Variants in SPAG9 observed in about 807,000 individuals in gnomAD.
The protein encoded by SPAG9 is sperm associated antigen 9.
Under a neutral mutation model 166.5 loss-of-function variants are expected in SPAG9, and 35 were observed. That is an observed-to-expected ratio of 0.21 (90% confidence interval 0.16 to 0.28). SPAG9 has a LOEUF of 0.28. SPAG9 is among the 10% of genes least tolerant of loss of function. SPAG9 has a pLI of 1.00. For synonymous variants in SPAG9, 534 were observed against 565.5 expected (o/e 0.94, Z 0.79); for missense variants, 1,235 against 1,603.3 (o/e 0.77, Z 3.92).
At chr17:51,025,568 T>C (rs774679980) in intron 6 of SPAG9, among the ~76,000 whole-genome samples, 1 of 151,984 alleles carries the variant, frequency 6.6e-6, no homozygotes, top group Non-Finnish European at 1.5e-5. Context: ...TGCATTGTCT[T>C]TGCTTTGATG....
intron 8 of SPAG9, among the ~76,000 whole-genome samples, chr17:51,014,876 CA>C (rs1323429451): frequency 6.6e-6 from 1 of 150,894 alleles, no homozygotes; most frequent in East Asian, 1.9e-4. Context: ...AATCAAGTTG[CA>C]AAACAGTGTA....
rs536947648 is a variant in SPAG9 at position 50,963,313 on chromosome 17, G to A, written c.*2959C>T. ...TACATTCCTTTGCTGCTTGTGAGAA[G>A]CTTACATTTTGGCATTTTCTTCCAA... On this transcript the variant is annotated 3_prime_UTR_variant, in exon 30 of 30. Transcript: ENST00000262013. 9.2e-5 allele frequency: 14 copies of A among 152,270 alleles called. No individual in the cohort carries two copies. The highest frequency in any genetic ancestry group is 3.4e-4 in the African/African-American group (14 of 41,562). 9.4% of individuals were successfully genotyped at this position (152,270 alleles called of 1,614,324 possible). A position where few individuals can be genotyped will look rare whatever the true frequency, so the allele number is the denominator to read the frequency against.
chr17:51,116,526 G>T (rs1015569142), intron 1 of SPAG9, among the ~76,000 whole-genome samples: 3 of 152,144 alleles, frequency 2.0e-5, no homozygotes, highest in Non-Finnish European at 1.5e-5. Flanking sequence ...ACTTTGGCAG[G>T]ATCCACAAGG....
At chr17:51,096,084 A>C (rs2048640526) in intron 1 of SPAG9, among the ~76,000 whole-genome samples, 1 of 130,156 alleles carries the variant, frequency 7.7e-6, no homozygotes, top group African/African-American at 3.1e-5. Flanking sequence ...GTGGTTTCAC[A>C]CCTGTAATCC....
intron 2 of SPAG9, among the ~76,000 whole-genome samples, chr17:51,063,044 C>A (rs1343401536): frequency 1.3e-5 from 2 of 152,160 alleles, no homozygotes; most frequent in African/African-American, 2.4e-5. Flanking sequence ...CTTTCACACA[C>A]AAAATTTCAT....
chr17:50,999,742 A>G (rs1160537888), intron 13 of SPAG9, 25 bp from the exon 14 acceptor site: 2 of 1,603,992 alleles, frequency 1.2e-6, no homozygotes, highest in Non-Finnish European at 1.7e-6. Flanking sequence ...AAAAGAAAAG[A>G]AACATTTATC....
At chr17:51,019,919 A>G (rs1487606939) in intron 8 of SPAG9, among the ~76,000 whole-genome samples, 1 of 152,242 alleles carries the variant, frequency 6.6e-6, no homozygotes, top group Non-Finnish European at 1.5e-5. Flanking sequence ...GCAGTACAAA[A>G]TAGACTAAGA....
chr17:51,075,261 A>ATTTATT (rs1278796935), intron 2 of SPAG9, among the ~76,000 whole-genome samples: 1 of 151,254 alleles, frequency 6.6e-6, no homozygotes, highest in Non-Finnish European at 1.5e-5. Flanking sequence ...TTTTGTTTAC[A>ATTTATT]TTTATTAGAA....
At chr17:50,985,113 T>C in intron 23 of SPAG9, 123 bp from the exon 24 acceptor site, 1 of 718,534 alleles carries the variant, frequency 1.4e-6, no homozygotes, top group Non-Finnish European at 2.4e-6. Flanking sequence ...AGCTGACACC[T>C]GAATATAAAT....
intron 9 of SPAG9, among the ~76,000 whole-genome samples, chr17:51,011,032 T>A (rs1178867356): frequency 1.3e-5 from 2 of 150,954 alleles, no homozygotes; most frequent in African/African-American, 4.9e-5. Context: ...AAGGTAAGAG[T>A]CGAGACAGGA....
intron 3 of SPAG9, 81 bp downstream of exon 3, chr17:51,056,331 A>C (rs2047362663): frequency 2.4e-6 from 2 of 824,352 alleles, no homozygotes; most frequent in Admixed American, 4.8e-5. Flanking sequence ...TCTGATTTTC[A>C]AAGAAAAATT....
chr17:51,116,632 C>T (rs754132282), intron 1 of SPAG9, among the ~76,000 whole-genome samples: 2 of 152,038 alleles, frequency 1.3e-5, no homozygotes, highest in Admixed American at 6.6e-5. Context: ...AGTGTGGTAA[C>T]GCATGTCTGT....
intron 9 of SPAG9, chr17:51,007,702 T>G: frequency 2.9e-6 from 1 of 349,426 alleles, no homozygotes; most frequent in South Asian, 2.4e-5. Flanking sequence ...AAGAACAGCT[T>G]TAATATGGAT....
At chr17:51,076,764 T>C (rs1426779636) in intron 2 of SPAG9, among the ~76,000 whole-genome samples, 2 of 151,372 alleles carry the variant, frequency 1.3e-5, no homozygotes, top group Non-Finnish European at 2.9e-5. Context: ...AAGAAAACTT[T>C]GTGTACCCTG....
chr17:51,000,334 CT>C (rs1478027102), intron 13 of SPAG9, among the ~76,000 whole-genome samples: 3 of 152,160 alleles, frequency 2.0e-5, no homozygotes, highest in Non-Finnish European at 4.4e-5. Flanking sequence ...TTGTTATGAA[CT>C]AAATTAAAAA....
At chr17:51,022,980 G>C (rs966800720) in intron 6 of SPAG9, among the ~76,000 whole-genome samples, 27 of 108,772 alleles carry the variant, frequency 2.5e-4, no homozygotes, top group Admixed American at 3.7e-4. Context: ...TAATAAATCA[G>C]GGTTAGGGTA....
At chr17:50,981,509 GATAGATAGATA>G (rs1319693205) in intron 25 of SPAG9, among the ~76,000 whole-genome samples, 6 of 150,164 alleles carry the variant, frequency 4.0e-5, no homozygotes, top group Non-Finnish European at 8.9e-5. Context: ...TAGATAGATA[GATAGATAGATA>G]GATAGATAGA....
chr17:51,028,543 C>G (rs1348808549), intron 6 of SPAG9, among the ~76,000 whole-genome samples: 2 of 152,202 alleles, frequency 1.3e-5, no homozygotes, highest in African/African-American at 2.4e-5. Context: ...ACATGCTGCA[C>G]AGGTTGCAGC....
At chr17:51,096,383 T>G (rs1004359234) in intron 1 of SPAG9, among the ~76,000 whole-genome samples, 2 of 151,000 alleles carry the variant, frequency 1.3e-5, no homozygotes, top group African/African-American at 4.9e-5. Flanking sequence ...AAGAAAGAAG[T>G]GGTTTCAACC....
Sources: gnomAD v4.1 joint callset for allele counts (sites outside exome capture counted in the v4.1 genomes callset) on GRCh38, gnomAD v4.1.1 for gene constraint, MANE v1.5 for transcripts, NCBI Gene and HGNC (gene_info 2026-07-23, HGNC 2026-07-21) for gene names.